SLFN14: variants seen among roughly 807,000 people sequenced by gnomAD.
SLFN14 encodes schlafen family member 14.
In SLFN14, 47 loss-of-function variants were observed where a neutral mutation model predicts 58.6. The ratio of observed to expected loss-of-function variants is 0.80; its 90% confidence interval spans 0.64 to 1.02. SLFN14 has a LOEUF of 1.02. Ranked by LOEUF, SLFN14 falls within the 50% of genes least tolerant of loss-of-function variation. The pLI, the probability that SLFN14 is intolerant of heterozygous loss-of-function variation, is 0.00. For synonymous variants in SLFN14, 390 were observed against 387.3 expected (o/e 1.01, Z -0.08); for missense variants, 967 against 1,078.4 (o/e 0.90, Z 1.45).
chr17:35,556,154 C>T (rs1471432839), intron 3 of SLFN14, among the ~76,000 whole-genome samples: 1 of 152,064 alleles, frequency 6.6e-6, no homozygotes, highest in Non-Finnish European at 1.5e-5. Flanking sequence ...CCTCCCACCT[C>T]AGCCTCCCAT....
Position 35,552,718 on chromosome 17 carries a change from T to C in SLFN14, c.1904+12A>G. The stretch of plus-strand genomic sequence containing the variant: ...CATATTTTTGTGTGTGTGTAGTTGG[T>C]AAAACTCTTACGTCACAAAATCCTT... On this transcript the variant is annotated intron_variant, in intron 5 of 5. Transcript: ENST00000674182. The C allele has an allele frequency of 2.6e-6, 4 of 1,530,146 alleles. No homozygotes were observed. The South Asian group carries it at 4.9e-5, about 19-fold the overall frequency. 94.8% of individuals were successfully genotyped at this position (1,530,146 alleles called of 1,614,324 possible). A position where few individuals can be genotyped will look rare whatever the true frequency, so the allele number is the denominator to read the frequency against.
chr17:35,549,513 G>A (rs770862030), intron 5 of SLFN14, among the ~76,000 whole-genome samples: 26 of 152,146 alleles, frequency 1.7e-4, no homozygotes, highest in Non-Finnish European at 2.6e-4. Flanking sequence ...AAAAAAGCAC[G>A]GACTAGTTCA....
intron 4 of SLFN14, 59 bp from the exon 5 acceptor site, chr17:35,553,503 T>G: frequency 2.3e-6 from 3 of 1,312,202 alleles, no homozygotes; most frequent in Non-Finnish European, 3.1e-6. Flanking sequence ...TAAGTATTCC[T>G]GCAACGTTGC....
In SLFN14 at chr17:35,544,450, T is replaced by C. The variant is rs2072520213; in HGVS notation, c.*3789A>G. On this transcript the variant is annotated 3_prime_UTR_variant, in exon 6 of 6. Transcript: ENST00000674182. ...TGATCATAACTGTGTGAAAATATTT[T>C]TCCATATCAACAAAGAATAGAAATA... is the stretch of plus-strand genomic sequence containing the variant. 6.6e-6 allele frequency among the ~76,000 whole-genome samples: 1 copy of C among 152,112 alleles called. No homozygotes were observed. Among genetic ancestry groups the C allele is most frequent in the Admixed American group, 6.6e-5 (1 of 15,266 alleles).
intron 4 of SLFN14, among the ~76,000 whole-genome samples, chr17:35,553,831 G>C (rs527915287): frequency 6.6e-6 from 1 of 152,204 alleles, no homozygotes; most frequent in African/African-American, 2.4e-5. Flanking sequence ...TAGAGACAGC[G>C]TTTCACCATG....
chr17:35,546,146 C>T lies in SLFN14; in HGVS notation c.*2093G>A, dbSNP rs1431034012. On this transcript the variant is annotated 3_prime_UTR_variant, in exon 6 of 6. Transcript: ENST00000674182. Reference sequence around the variant, plus strand: ...ATAGCAATTCCTTGTCCCACTCATACTCCTTCATACTCTGTTGACTTTGAC... The same window carrying T: ...ATAGCAATTCCTTGTCCCACTCATATTCCTTCATACTCTGTTGACTTTGAC... 6.6e-6 allele frequency among the ~76,000 whole-genome samples: 1 copy of T among 152,180 alleles called. No homozygotes were observed. The highest frequency in any genetic ancestry group is 1.5e-5 in the Non-Finnish European group (1 of 68,040).
Position 35,548,129 on chromosome 17 carries a change from A to G in SLFN14, c.*110T>C. 1 of 1,060,462 alleles carries G rather than the reference A, an allele frequency of 9.4e-7. No individual in the cohort carries two copies. Among genetic ancestry groups the G allele is most frequent in the Non-Finnish European group, 1.3e-6 (1 of 749,606 alleles). The allele number at this position is 1,060,462 out of a possible 1,614,324, so 65.7% of individuals were successfully genotyped here. ...AGACATTTCTGTGGCTCCAGGCCAT[A>G]CTGATGTGCCTTGATTTCCTCACTT... is the stretch of plus-strand genomic sequence containing the variant. On this transcript the variant is annotated 3_prime_UTR_variant, in exon 6 of 6. Coordinates refer to ENST00000674182, the MANE Select transcript of SLFN14 (RefSeq NM_001129820.2).
rs376379417 is a variant in SLFN14, at chr17:35,544,655, A to C, written c.*3584T>G. Among the ~76,000 whole-genome samples, 20 of 151,908 alleles carry C rather than the reference A, an allele frequency of 1.3e-4. No homozygotes were observed. The highest frequency in any genetic ancestry group is 5.8e-4 in the East Asian group (3 of 5,176). ...GCAATTCTCCTGCCTCAGCCTCCCA[A>C]GTAGCTGGGATTACAGGCATGCGCC... On this transcript the variant is annotated 3_prime_UTR_variant, in exon 6 of 6. Coordinates refer to ENST00000674182, the MANE Select transcript of SLFN14 (RefSeq NM_001129820.2).
Position 35,557,018 on chromosome 17 carries a change from G to GC in SLFN14, c.1044dup (p.Leu349AlafsTer39), listed in dbSNP as rs769474255. The GC allele has an allele frequency of 4.1e-5, 64 of 1,551,162 alleles. No individual in the cohort carries two copies. Among genetic ancestry groups the GC allele is most frequent in the Non-Finnish European group, 5.6e-5 (64 of 1,146,732 alleles). On this transcript the variant is annotated frameshift_variant, in exon 3 of 6. Coordinates refer to ENST00000674182, the MANE Select transcript of SLFN14 (RefSeq NM_001129820.2). LOFTEE classifies it high-confidence loss of function. Reference sequence around the variant, plus strand: ...TTCCCTTTACCTGACTGAGTATCCAGCATCATGACCACCCACTGCTCAGCT... The same window carrying GC: ...TTCCCTTTACCTGACTGAGTATCCAGCCATCATGACCACCCACTGCTCAGCT...
At chr17:35,556,174 A>T (rs775891794) in intron 3 of SLFN14, among the ~76,000 whole-genome samples, 2 of 151,972 alleles carry the variant, frequency 1.3e-5, no homozygotes, top group Non-Finnish European at 2.9e-5. Context: ...TGTAGCTGGG[A>T]CTACAGGCAT....
chr17:35,552,659 T>TACACATATATATAC, intron 5 of SLFN14, 71 bp downstream of exon 5: 1 of 516,224 alleles, frequency 1.9e-6, no homozygotes, highest in Non-Finnish European at 2.9e-6. Flanking sequence ...CACATATATA[T>TACACATATATATAC]ACACATATAT....
chr17:35,553,883 A>C (rs1459404944), intron 4 of SLFN14, among the ~76,000 whole-genome samples: 1 of 151,988 alleles, frequency 6.6e-6, no homozygotes, highest in Non-Finnish European at 1.5e-5. Flanking sequence ...AGTTGAGGTC[A>C]CCCGCCTTGG....
intron 5 of SLFN14, among the ~76,000 whole-genome samples, chr17:35,552,448 C>G (rs2072599473): frequency 6.6e-6 from 1 of 151,918 alleles, no homozygotes; most frequent in Non-Finnish European, 1.5e-5. Flanking sequence ...AAGAAATAGC[C>G]AATCATCTAT....
chr17:35,550,904 A>G (rs543851574), intron 5 of SLFN14, among the ~76,000 whole-genome samples: 18 of 152,342 alleles, frequency 1.2e-4, no homozygotes, highest in Middle Eastern at 3.4e-3. Context: ...TTTAAATTCA[A>G]GTTTCACTAG....
chr17:35,548,876 A>G lies in SLFN14; in HGVS notation c.2102T>C (p.Leu701Pro). 1 of 1,551,750 alleles carries G rather than the reference A, an allele frequency of 6.4e-7. No individual in the cohort carries two copies. ...SENLHHGILW[L>P]FLDPFQIHHA... ...ATGGATTTGAAAAGGGTCAAGAAAA[A>G]GCCAGAGAATCCCATGGTGAAGGTT... The change falls in exon 6 of 6, where the codon CTT becomes CCT. Residue 701 changes from leucine to proline, a missense_variant. By Grantham distance (98) the Leu-to-Pro change is moderately conservative. Coordinates refer to ENST00000674182, the MANE Select transcript of SLFN14 (RefSeq NM_001129820.2).
Position 35,554,649 on chromosome 17 carries a change from A to AGATGAAGCT in SLFN14, c.1107_1115dup (p.Ser371_Ala373dup). On this transcript the variant is annotated inframe_insertion, in exon 4 of 6. Coordinates refer to ENST00000674182, the MANE Select transcript of SLFN14 (RefSeq NM_001129820.2). ...TGGGATATCCGGGACTTTTTCGTGC[A>AGATGAAGCT]GATGAAGCTGATGAAATCAGGCAAG... The AGATGAAGCT allele has an allele frequency of 2.7e-6, 4 of 1,508,348 alleles. No individual in the cohort carries two copies. Among genetic ancestry groups the AGATGAAGCT allele is most frequent in the Non-Finnish European group, 3.6e-6 (4 of 1,123,254 alleles). 93.4% of individuals were successfully genotyped at this position (1,508,348 alleles called of 1,614,324 possible). A position where few individuals can be genotyped will look rare whatever the true frequency, so the allele number is the denominator to read the frequency against.
In SLFN14 at chr17:35,559,490, G is replaced by C. The variant is rs114990849; in HGVS notation, c.-45+237C>G. Among the ~76,000 whole-genome samples the C allele has an allele frequency of 8.4e-3, 1,285 of 152,140 alleles. 10 individuals carry two copies. The highest frequency in any genetic ancestry group is 0.026 in the African/African-American group (1,062 of 41,488). ...ACTTGGAAAAGAACATGAGCTTTTG[G>C]GGCATGGTAACTAAACCATTGTCAC... On this transcript the variant is annotated intron_variant, in intron 2 of 5. Coordinates refer to ENST00000674182, the MANE Select transcript of SLFN14 (RefSeq NM_001129820.2).
At chr17:35,555,079 A>T (rs534798358) in intron 3 of SLFN14, among the ~76,000 whole-genome samples, 101 of 152,298 alleles carry the variant, frequency 6.6e-4, no homozygotes, top group South Asian at 2.5e-3. Flanking sequence ...ACAGTATTTT[A>T]AAAATGGTGT....
rs1227210431 is a variant in SLFN14 at position 35,557,689 on chromosome 17, C to T, written c.374G>A (p.Ser125Asn). ...TCTCCGATACAAATTGGAGCGCAAG[C>T]TGCAAATCCTTAGTGGAAGGCTGAA... ...DVFSLPLRICSLRSNLYRRDV... is the reference protein window; with the variant it reads ...DVFSLPLRICNLRSNLYRRDV... Residue 125 changes from serine to asparagine, a missense_variant, in exon 3 of 6, where the codon AGC (serine) becomes AAC (asparagine). By Grantham distance (46) the Ser-to-Asn change is conservative. Coordinates refer to ENST00000674182, the MANE Select transcript of SLFN14 (RefSeq NM_001129820.2). 2 of 1,551,724 alleles carry T rather than the reference C, an allele frequency of 1.3e-6. No individual in the cohort carries two copies. Among genetic ancestry groups the T allele is most frequent in the Non-Finnish European group, 1.7e-6 (2 of 1,146,988 alleles).
Sources: allele counts gnomAD v4.1 joint callset (sites outside exome capture counted in the v4.1 genomes callset), GRCh38; gene constraint gnomAD v4.1.1; transcripts MANE v1.5; gene names NCBI Gene and HGNC (gene_info 2026-07-23, HGNC 2026-07-21).